Variants in RBBP4 observed in about 807,000 individuals in gnomAD.
RBBP4 encodes histone-binding protein RBBP4.
In RBBP4, 3 loss-of-function variants were observed where a neutral mutation model predicts 57.2. The ratio of observed to expected loss-of-function variants is 0.05; its 90% CI spans 0.02 to 0.14. The LOEUF is 0.14. Ranked by LOEUF, RBBP4 falls within the 10% of genes least tolerant of loss-of-function variation. The pLI is 1.00. For synonymous variants in RBBP4, 151 were observed against 171.5 expected (o/e 0.88, Z 0.93); for missense variants, 107 against 520.6 (o/e 0.21, Z 7.73).
At chr1:32,665,511 C>G (rs1557856121) in intron 3 of RBBP4, among the ~76,000 whole-genome samples, 1 of 151,950 alleles carries the variant, frequency 6.6e-6, no homozygotes, top group Non-Finnish European at 1.5e-5. Context: ...AACCCCGTCT[C>G]TACTAAAAAT....
chr1:32,657,997 C>T (rs541797977), intron 3 of RBBP4, among the ~76,000 whole-genome samples: 16 of 152,156 alleles, frequency 1.1e-4, no homozygotes, highest in African/African-American at 3.1e-4. Flanking sequence ...GGATTACAGG[C>T]GCCCGCCACC....
At chr1:32,670,272 C>G (rs987143842) in intron 8 of RBBP4, among the ~76,000 whole-genome samples, 2 of 152,148 alleles carry the variant, frequency 1.3e-5, no homozygotes, top group East Asian at 3.9e-4. Context: ...TTCCCTTCTT[C>G]CAATATATTC....
chr1:32,666,651 C>T (rs1648660931), intron 3 of RBBP4, among the ~76,000 whole-genome samples: 1 of 152,186 alleles, frequency 6.6e-6, no homozygotes, highest in Non-Finnish European at 1.5e-5. Context: ...GCCACTGCGC[C>T]TGGCTGAAAA....
intron 11 of RBBP4, among the ~76,000 whole-genome samples, chr1:32,679,158 G>T (rs536237479): frequency 6.6e-6 from 1 of 152,104 alleles, no homozygotes. Context: ...TTAGCCAGGC[G>T]TAGTGGCATG....
Position 32,680,680 on chromosome 1 carries a change from A to G in RBBP4, c.*975A>G, listed in dbSNP as rs1012227024. The G allele has an allele frequency of 1.3e-5, 10 of 783,918 alleles. No individual in the cohort carries two copies. The highest frequency in any genetic ancestry group is 2.0e-5 in the Non-Finnish European group (10 of 500,732). 48.6% of individuals were successfully genotyped at this position (783,918 alleles called of 1,614,324 possible). On this transcript the variant is annotated 3_prime_UTR_variant, in exon 12 of 12. Transcript: ENST00000373493. ...CCCATGCTGATGGGTTTTATTTAGT[A>G]TAAAACATCCATCAAACACCAGTCT... is the stretch of plus-strand genomic sequence containing the variant.
chr1:32,652,177 G>A (rs1377456317), intron 2 of RBBP4, 116 bp downstream of exon 2: 4 of 1,252,104 alleles, frequency 3.2e-6, no homozygotes, highest in Admixed American at 2.4e-5. Context: ...AAAACCTCTT[G>A]GTGACATTTT....
intron 11 of RBBP4, among the ~76,000 whole-genome samples, chr1:32,675,299 G>A (rs1570870044): frequency 1.3e-5 from 2 of 151,952 alleles, no homozygotes; most frequent in East Asian, 3.9e-4. Flanking sequence ...GCCTCCCAAA[G>A]TGCTGGAATT....
At chr1:32,665,037 A>G (rs1381025153) in intron 3 of RBBP4, among the ~76,000 whole-genome samples, 1 of 152,242 alleles carries the variant, frequency 6.6e-6, no homozygotes, top group Non-Finnish European at 1.5e-5. Flanking sequence ...GGAAAATGCC[A>G]CTAATAGACT....
intron 2 of RBBP4, among the ~76,000 whole-genome samples, chr1:32,653,642 T>TTTGTTTTG (rs1557849798): frequency 5.0e-5 from 1 of 20,200 alleles, no homozygotes; most frequent in African/African-American, 1.1e-4. Flanking sequence ...TTCTGGTTTT[T>TTTGTTTTG]TTTTTTTTTT....
intron 11 of RBBP4, among the ~76,000 whole-genome samples, chr1:32,678,255 G>T (rs923397245): frequency 4.6e-5 from 7 of 151,992 alleles, no homozygotes. Flanking sequence ...TTTTTTAGAC[G>T]AAGTCTTGCC....
At chr1:32,653,660 G>GTTT (rs1570831254) in intron 2 of RBBP4, among the ~76,000 whole-genome samples, 5 of 45,058 alleles carry the variant, frequency 1.1e-4, no homozygotes, top group African/African-American at 4.0e-4. Flanking sequence ...TTTTTTTTTT[G>GTTT]TTTTTGTTTT....
At position 32,684,115 on chromosome 1, in the gene RBBP4, A is replaced by G; in HGVS notation, c.*4410A>G. On this transcript the variant is annotated 3_prime_UTR_variant, in exon 12 of 12. Coordinates refer to ENST00000373493, the MANE Select transcript of RBBP4 (RefSeq NM_005610.3). Reference sequence around the variant, plus strand: ...CTTTAAAAAGAGAGAGCCATTTTCCATGTGTTTTTGGATAAGCACAATTTG... The same window carrying G: ...CTTTAAAAAGAGAGAGCCATTTTCCGTGTGTTTTTGGATAAGCACAATTTG... The G allele has an allele frequency of 6.2e-7, 1 of 1,612,238 alleles. No individual in the cohort carries two copies. Among genetic ancestry groups the G allele is most frequent in the Non-Finnish European group, 8.5e-7 (1 of 1,179,166 alleles).
At chr1:32,663,396 C>T (rs1329061510) in intron 3 of RBBP4, among the ~76,000 whole-genome samples, 3 of 152,080 alleles carry the variant, frequency 2.0e-5, no homozygotes, top group African/African-American at 4.8e-5. Context: ...TTGGCCTTTT[C>T]GCATAACAGC....
intron 8 of RBBP4, among the ~76,000 whole-genome samples, chr1:32,671,665 C>CCGG (rs1648881384): frequency 6.6e-6 from 1 of 150,676 alleles, no homozygotes; most frequent in Admixed American, 6.6e-5. Context: ...TCAAGTCCAG[C>CCGG]CTAGAAGCAA....
intron 3 of RBBP4, among the ~76,000 whole-genome samples, chr1:32,661,165 C>T (rs1004030791): frequency 3.3e-5 from 5 of 152,110 alleles, no homozygotes; most frequent in South Asian, 4.1e-4. Flanking sequence ...GGTTGATTTC[C>T]GTATCTTTGG....
At chr1:32,654,665 A>G (rs1051801902) in intron 2 of RBBP4, among the ~76,000 whole-genome samples, 1 of 152,166 alleles carries the variant, frequency 6.6e-6, no homozygotes. Flanking sequence ...AATCTAGATA[A>G]ATAATGTGAG....
chr1:32,670,121 C>G (rs975086193), intron 8 of RBBP4, among the ~76,000 whole-genome samples: 4 of 152,288 alleles, frequency 2.6e-5, no homozygotes, highest in African/African-American at 9.6e-5. Flanking sequence ...CTTTAGGAGG[C>G]TGAGATGGGT....
At position 32,684,211 on chromosome 1, in the gene RBBP4, C is replaced by G. The variant is rs750129550; in HGVS notation, c.*4506C>G. 2 of 1,609,332 alleles carry G rather than the reference C, an allele frequency of 1.2e-6. No individual in the cohort carries two copies. Among genetic ancestry groups the G allele is most frequent in the African/African-American group, 2.7e-5 (2 of 74,842 alleles). On this transcript the variant is annotated 3_prime_UTR_variant, in exon 12 of 12. Coordinates refer to ENST00000373493, the MANE Select transcript of RBBP4 (RefSeq NM_005610.3). The stretch of plus-strand genomic sequence containing the variant: ...AATTTTCCCTAAGCCCTCCCACCAT[C>G]CCCTCAGCCAGTATTAGATGAGATT...
At chr1:32,675,862 C>T (rs961816969) in intron 11 of RBBP4, among the ~76,000 whole-genome samples, 2 of 151,944 alleles carry the variant, frequency 1.3e-5, no homozygotes, top group Non-Finnish European at 2.9e-5. Flanking sequence ...AGGCCAAAGC[C>T]GGAGGATCAC....
Sources: gnomAD v4.1 joint callset for allele counts (sites outside exome capture counted in the v4.1 genomes callset) on GRCh38, gnomAD v4.1.1 for gene constraint, MANE v1.5 for transcripts, NCBI Gene and HGNC (gene_info 2026-07-23, HGNC 2026-07-21) for gene names.